Variants in ANO2 observed in about 807,000 individuals in gnomAD.
ANO2 encodes anoctamin 2.
ANO2 carries 101 observed loss-of-function variants against 124.2 expected under a neutral mutation model. The ratio of observed to expected loss-of-function variants is 0.81; its 90% confidence interval spans 0.69 to 0.96. The LOEUF (loss-of-function observed/expected upper bound fraction) is 0.96. ANO2 is among the 40% of genes least tolerant of loss of function. The pLI, the probability that ANO2 is intolerant of heterozygous loss-of-function variation, is 0.00. For missense variants in ANO2, 1,293 were observed against 1,274.5 expected, an observed-to-expected ratio of 1.01 and a Z score of -0.22; for synonymous variants, 486 against 482.5, an observed-to-expected ratio of 1.01 and a Z score of -0.09.
chr12:5,762,785 C>T (rs1020791509), intron 10 of ANO2, among the ~76,000 whole-genome samples: 3 of 151,878 alleles, frequency 2.0e-5, no homozygotes, highest in African/African-American at 7.2e-5. Context: ...ATTTGATCTT[C>T]TCCTTTAAAC....
At chr12:5,866,580 A>G (rs1002592571) in intron 3 of ANO2, among the ~76,000 whole-genome samples, 28 of 152,232 alleles carry the variant, frequency 1.8e-4, no homozygotes, top group African/African-American at 6.8e-4. Context: ...TTGTACTTTG[A>G]CCACTACATG....
chr12:5,612,209 T>C lies in ANO2; in HGVS notation c.2087+447A>G, dbSNP rs115534415. On this transcript the variant is annotated intron_variant, in intron 19 of 24. Transcript: ENST00000682330. ...AGGGGGGAATCCACATGATAATAAC[T>C]CATTCACCAACTATTCCACCCTCCC... Among the ~76,000 whole-genome samples, 593 of 152,300 alleles carry C rather than the reference T, an allele frequency of 3.9e-3. 5 individuals carry two copies. The highest frequency in any genetic ancestry group is 0.013 in the African/African-American group (521 of 41,554).
chr12:5,911,586 A>C (rs1941051273), intron 3 of ANO2, among the ~76,000 whole-genome samples: 1 of 152,156 alleles, frequency 6.6e-6, no homozygotes, highest in Non-Finnish European at 1.5e-5. Flanking sequence ...CCAGCATAAC[A>C]CATTGCGAAT....
chr12:5,685,775 TCAA>T (rs756720556), intron 14 of ANO2, among the ~76,000 whole-genome samples: 13 of 149,226 alleles, frequency 8.7e-5, no homozygotes, highest in South Asian at 2.2e-4. Context: ...AGACCCTGTC[TCAA>T]CAACAACAAC....
At chr12:5,783,255 G>A (rs1448672836) in intron 10 of ANO2, among the ~76,000 whole-genome samples, 4 of 152,074 alleles carry the variant, frequency 2.6e-5, no homozygotes, top group Non-Finnish European at 5.9e-5. Context: ...TTTGGCTCAG[G>A]GTTTCATCTT....
intron 23 of ANO2, among the ~76,000 whole-genome samples, chr12:5,568,185 G>A (rs150626164): frequency 1.4e-5 from 2 of 143,716 alleles, no homozygotes; most frequent in Non-Finnish European, 3.0e-5. Context: ...TGTCGCCCAG[G>A]CTGGAGTGCA....
intron 3 of ANO2, among the ~76,000 whole-genome samples, chr12:5,903,019 G>T (rs964819247): frequency 1.3e-5 from 2 of 151,386 alleles, no homozygotes; most frequent in Non-Finnish European, 2.9e-5. Flanking sequence ...TCCTGGTGAG[G>T]TATATGACAT....
At chr12:5,693,801 A>G (rs1258695559) in intron 14 of ANO2, among the ~76,000 whole-genome samples, 2 of 151,766 alleles carry the variant, frequency 1.3e-5, no homozygotes, top group African/African-American at 4.8e-5. Flanking sequence ...CTCTGCCCGG[A>G]TTCCTTTCCC....
chr12:5,882,519 G>A (rs1938572398), intron 3 of ANO2, among the ~76,000 whole-genome samples: 1 of 152,198 alleles, frequency 6.6e-6, no homozygotes, highest in Non-Finnish European at 1.5e-5. Flanking sequence ...CCAGCTTCAG[G>A]TCCTGGCCTG....
chr12:5,649,596 T>C (rs1364191205), intron 14 of ANO2, among the ~76,000 whole-genome samples: 1 of 152,152 alleles, frequency 6.6e-6, no homozygotes, highest in Non-Finnish European at 1.5e-5. Context: ...ACTAAAGTTT[T>C]CCTTAAGGGT....
At chr12:5,578,142 G>T in intron 21 of ANO2, 135 bp from the exon 22 acceptor site, 1 of 1,288,658 alleles carries the variant, frequency 7.8e-7, no homozygotes, top group Non-Finnish European at 1.1e-6. Context: ...GGGCTTGTCT[G>T]GAAAGGCTTA....
chr12:5,881,989 T>C (rs1938532883), intron 3 of ANO2, among the ~76,000 whole-genome samples: 4 of 152,116 alleles, frequency 2.6e-5, no homozygotes, highest in Non-Finnish European at 5.9e-5. Flanking sequence ...AGGTTAGAGA[T>C]GAGTGGGTGG....
chr12:5,910,282 C>T (rs1270882399), intron 3 of ANO2, among the ~76,000 whole-genome samples: 2 of 152,204 alleles, frequency 1.3e-5, no homozygotes, highest in East Asian at 1.9e-4. Flanking sequence ...TGGGTTCCAG[C>T]GATTCTCGTG....
At chr12:5,829,342 GCCTTTTT>G (rs925611052) in intron 6 of ANO2, among the ~76,000 whole-genome samples, 1 of 152,052 alleles carries the variant, frequency 6.6e-6, no homozygotes. Flanking sequence ...GGACGTTAAT[GCCTTTTT>G]CCATTGGAAA....
intron 19 of ANO2, among the ~76,000 whole-genome samples, chr12:5,601,096 A>C (rs1174551337): frequency 6.6e-6 from 1 of 152,186 alleles, no homozygotes; most frequent in East Asian, 1.9e-4. Flanking sequence ...ATCACCAACT[A>C]TATGTCCATG....
intron 19 of ANO2, among the ~76,000 whole-genome samples, chr12:5,611,622 G>A (rs1471724424): frequency 6.6e-6 from 1 of 152,172 alleles, no homozygotes; most frequent in Non-Finnish European, 1.5e-5. Context: ...GTTGCTTAAA[G>A]TAGCCACCCT....
chr12:5,578,354 T>C lies in ANO2; in HGVS notation c.2386+12A>G, dbSNP rs1001169239. 4.3e-6 allele frequency: 7 copies of C among 1,611,424 alleles called. No individual in the cohort carries two copies. In the East Asian group the frequency reaches 1.1e-4, roughly 26 times the overall value. ...GGATGGGCCTGGTGGGGCCTCTAAGTGGGGCACGTACCGATATCTTTGGTT... is the reference window on the plus strand; with the variant it reads ...GGATGGGCCTGGTGGGGCCTCTAAGCGGGGCACGTACCGATATCTTTGGTT... On this transcript the variant is annotated intron_variant, in intron 21 of 24. Coordinates refer to ENST00000682330, the MANE Select transcript of ANO2 (RefSeq NM_001364791.2).
intron 13 of ANO2, among the ~76,000 whole-genome samples, chr12:5,735,997 G>C (rs1950845339): frequency 6.6e-6 from 1 of 152,268 alleles, no homozygotes; most frequent in African/African-American, 2.4e-5. Context: ...TGATGTGACA[G>C]AAGGTAATGG....
intron 10 of ANO2, among the ~76,000 whole-genome samples, chr12:5,782,384 C>A (rs1047221807): frequency 1.4e-4 from 21 of 152,094 alleles, no homozygotes; most frequent in Non-Finnish European, 2.9e-4. Flanking sequence ...TTTATTAAAT[C>A]TGGCAATTTC....
Sources: allele counts gnomAD v4.1 joint callset (sites outside exome capture counted in the v4.1 genomes callset), GRCh38; gene constraint gnomAD v4.1.1; transcripts MANE v1.5; gene names NCBI Gene and HGNC (gene_info 2026-07-23, HGNC 2026-07-21).